The following CCSER2 variants were observed in gnomAD, a reference collection of about 807,000 sequenced individuals.
CCSER2 encodes coiled-coil serine rich protein 2, also known as serine-rich coiled-coil domain-containing protein 2.
A neutral mutation model predicts 92.3 loss-of-function variants in CCSER2; 46 were observed. The observed-to-expected ratio is 0.50, with a 90% CI of 0.39 to 0.64. CCSER2 has a LOEUF of 0.64. Ranked by LOEUF, CCSER2 falls within the 30% of genes least tolerant of loss-of-function variation. The probability of loss-of-function intolerance (pLI) is 0.00; values close to 1 mark genes in which losing one functional copy is unlikely to be tolerated. For synonymous variants in CCSER2, 433 were observed against 431.4 expected, an observed-to-expected ratio of 1.00 and a Z score of -0.04; for missense variants, 1,244 against 1,238.9, an observed-to-expected ratio of 1.00 and a Z score of -0.06.
intron 6 of CCSER2, among the ~76,000 whole-genome samples, chr10:84,444,726 T>C (rs921995246): frequency 6.6e-6 from 1 of 152,242 alleles, no homozygotes; most frequent in Non-Finnish European, 1.5e-5. Context: ...TAAATAGTAC[T>C]GTTTAAGAGT....
At chr10:84,452,646 A>C (rs746758632) in intron 6 of CCSER2, among the ~76,000 whole-genome samples, 18 of 152,124 alleles carry the variant, frequency 1.2e-4, no homozygotes, top group Non-Finnish European at 2.4e-4. Context: ...GATTTTTTGT[A>C]CTATTTTTGC....
At chr10:84,426,576 G>A (rs1843445445) in intron 5 of CCSER2, among the ~76,000 whole-genome samples, 1 of 152,176 alleles carries the variant, frequency 6.6e-6, no homozygotes, top group South Asian at 2.1e-4. Flanking sequence ...CTAGAGTAGT[G>A]TCTAGTTTAC....
At chr10:84,378,688 G>A (rs1199083206) in intron 3 of CCSER2, among the ~76,000 whole-genome samples, 1 of 152,104 alleles carries the variant, frequency 6.6e-6, no homozygotes, top group East Asian at 1.9e-4. Context: ...ACCCGCCTTG[G>A]CCTCCCAAAA....
At chr10:84,489,860 T>C (rs1245594828) in intron 9 of CCSER2, among the ~76,000 whole-genome samples, 1 of 152,216 alleles carries the variant, frequency 6.6e-6, no homozygotes, top group Non-Finnish European at 1.5e-5. Context: ...TTTGGCATGT[T>C]TTTGCAGTGG....
intron 4 of CCSER2, among the ~76,000 whole-genome samples, chr10:84,419,016 ATT>A (rs71473612): frequency 6.7e-5 from 10 of 150,154 alleles, no homozygotes; most frequent in African/African-American, 2.2e-4. Flanking sequence ...GAACTAGCAC[ATT>A]TTTTTTTTAG....
intron 1 of CCSER2, among the ~76,000 whole-genome samples, chr10:84,343,365 T>G (rs1225903587): frequency 1.3e-5 from 2 of 152,234 alleles, no homozygotes; most frequent in Non-Finnish European, 1.5e-5. Context: ...CTCTTCTCTC[T>G]TCATTGTCTT....
chr10:84,492,762 G>T (rs537150405), intron 9 of CCSER2, among the ~76,000 whole-genome samples: 1 of 152,234 alleles, frequency 6.6e-6, no homozygotes, highest in African/African-American at 2.4e-5. Context: ...TGCACTGATT[G>T]ATTTTCTAAT....
chr10:84,376,952 T>A (rs1156562252), intron 3 of CCSER2, among the ~76,000 whole-genome samples: 3 of 152,156 alleles, frequency 2.0e-5, no homozygotes, highest in Admixed American at 6.5e-5. Flanking sequence ...CACCTTCACA[T>A]ATGTTTATTG....
At chr10:84,431,576 C>CA (rs1280429139) in intron 5 of CCSER2, among the ~76,000 whole-genome samples, 3 of 151,730 alleles carry the variant, frequency 2.0e-5, no homozygotes, top group African/African-American at 7.3e-5. Flanking sequence ...CTCGTTTTGA[C>CA]AAAAAAATCA....
chr10:84,417,832 A>T lies in CCSER2; in HGVS notation c.1676A>T (p.Asp559Val). 6.3e-7 allele frequency: 1 copy of T among 1,591,674 alleles called. No homozygotes were observed. Among genetic ancestry groups the T allele is most frequent in the Non-Finnish European group, 8.6e-7 (1 of 1,159,842 alleles). The change falls in exon 4 of 10, where the codon GAT (aspartate) becomes GTT (valine). Residue 559 changes from aspartate (D) to valine (V), a missense_variant. Physicochemically the swap from Asp to Val is radical, Grantham distance 152. Coordinates refer to ENST00000372088, the MANE Select transcript of CCSER2 (RefSeq NM_001284240.2). Reference sequence around the variant, plus strand: ...GATGATGATCTTATGCTTGATGTGGATCTGCCTGAGGATGCACCTCTTGAA... The same window carrying T: ...GATGATGATCTTATGCTTGATGTGGTTCTGCCTGAGGATGCACCTCTTGAA... ...LEDDDLMLDV[D>V]LPEDAPLENV... is the part of the protein sequence containing the mutation.
At chr10:84,335,226 CTCTTTT>C (rs1371741340) in intron 1 of CCSER2, among the ~76,000 whole-genome samples, 27 of 95,070 alleles carry the variant, frequency 2.8e-4, no homozygotes, top group Middle Eastern at 7.1e-3. Context: ...TTCTCTCTCT[CTCTTTT>C]TTTTTTTTTT....
chr10:84,451,648 A>G (rs962328034), intron 6 of CCSER2, among the ~76,000 whole-genome samples: 1 of 152,210 alleles, frequency 6.6e-6, no homozygotes, highest in Non-Finnish European at 1.5e-5. Context: ...GGGTTCAGAT[A>G]TGTACAGACG....
Position 84,470,422 on chromosome 10 carries a change from A to G in CCSER2, c.2199A>G (p.Lys733=). ...EIKQLKDEIK[K]KDEKIQLLEL... is the part of the protein sequence containing the mutation. ...AACAACTTAAAGACGAAATAAAGAA[A>G]AAAGATGAAAAGATCCAACTATTAG... The change falls in exon 8 of 10, where the codon AAA becomes AAG. Residue 733 remains lysine, a synonymous_variant. Transcript: ENST00000372088. 12 of 1,403,392 alleles carry G rather than the reference A, an allele frequency of 8.6e-6. No individual in the cohort carries two copies. The highest frequency in any genetic ancestry group is 1.1e-5 in the Non-Finnish European group (11 of 1,047,406). 86.9% of individuals were successfully genotyped at this position (1,403,392 alleles called of 1,614,324 possible).
intron 1 of CCSER2, among the ~76,000 whole-genome samples, chr10:84,358,669 T>C (rs1845329623): frequency 1.4e-5 from 2 of 147,722 alleles, no homozygotes; most frequent in South Asian, 4.2e-4. Flanking sequence ...TACATATACA[T>C]ATATGTATAT....
rs183384824 is a variant in CCSER2 at position 84,470,280 on chromosome 10, T to C, written c.2149-92T>C. The C allele has an allele frequency of 7.9e-4, 513 of 651,976 alleles. 1 individual carries two copies. The African/African-American group carries it at 9.1e-3, about 12-fold the overall frequency. The allele number at this position is 651,976 out of a possible 1,614,324, so 40.4% of individuals were successfully genotyped here. A position where few individuals can be genotyped will look rare whatever the true frequency, so the allele number is the denominator to read the frequency against. On this transcript the variant is annotated intron_variant, in intron 7 of 9. Transcript: ENST00000372088. ...AGGATTTCCCCCCTAAATGACCAGA[T>C]AGTTTGTTCATTACTGTGTCTTCAT... is the stretch of plus-strand genomic sequence containing the variant.
chr10:84,379,691 C>A (rs1205977357), intron 3 of CCSER2, among the ~76,000 whole-genome samples: 1 of 152,012 alleles, frequency 6.6e-6, no homozygotes. Context: ...ATTTATATAT[C>A]CATGAACAAT....
chr10:84,356,195 C>G (rs1225189408), intron 1 of CCSER2, among the ~76,000 whole-genome samples: 1 of 151,114 alleles, frequency 6.6e-6, no homozygotes, highest in Non-Finnish European at 1.5e-5. Context: ...AAGTTGAGTT[C>G]TGTTAGTCCT....
rs1449607177 is a variant in CCSER2, at chr10:84,437,174, GAC to G, written c.1869-1336_1869-1335del. Among the ~76,000 whole-genome samples the G allele has an allele frequency of 2.2e-3, 329 of 150,590 alleles. 1 individual carries two copies. The highest frequency in any genetic ancestry group is 7.7e-3 in the African/African-American group (313 of 40,572). On this transcript the variant is annotated intron_variant, in intron 5 of 9. Coordinates refer to ENST00000372088, the MANE Select transcript of CCSER2 (RefSeq NM_001284240.2). ...ACAGAGAGAGAGAGAGAGAGAGAGAGACAGAGAGACAGAGAGAGACAGACAGA... is the reference window on the plus strand; with the variant it reads ...ACAGAGAGAGAGAGAGAGAGAGAGAGAGAGAGACAGAGAGAGACAGACAGA...
At chr10:84,432,297 A>G (rs7919374) in intron 5 of CCSER2, among the ~76,000 whole-genome samples, 31,900 of 152,150 alleles carry the variant, frequency 0.21, 3,605 homozygotes, top group Admixed American at 0.34. Flanking sequence ...GCAGGTTTGT[A>G]TCACATATAC....
Sources: allele counts gnomAD v4.1 joint callset (sites outside exome capture counted in the v4.1 genomes callset), GRCh38; gene constraint gnomAD v4.1.1; transcripts MANE v1.5; gene names NCBI Gene and HGNC (gene_info 2026-07-23, HGNC 2026-07-21).